Variants in ACE observed in about 807,000 individuals in gnomAD.
ACE encodes angiotensin-converting enzyme.
In ACE, 122 loss-of-function variants were observed where a neutral mutation model predicts 162.3. The observed-to-expected ratio is 0.75, with a 90% CI of 0.65 to 0.87. The LOEUF (loss-of-function observed/expected upper bound fraction) is 0.87, where lower values mean the gene tolerates loss of function less well. Among genes scored for constraint, ACE ranks in the 40% least tolerant of loss-of-function variants. The pLI is 0.00. For synonymous variants in ACE, 796 were observed against 720.6 expected, an observed-to-expected ratio of 1.10 and a Z score of -1.68; for missense variants, 1,799 against 1,735.1, an observed-to-expected ratio of 1.04 and a Z score of -0.65.
At chr17:63,483,628 C>A in intron 10 of ACE, 70 bp downstream of exon 10, 1 of 1,355,300 alleles carries the variant, frequency 7.4e-7, no homozygotes, top group South Asian at 1.2e-5. Context: ...TCCTGTGATC[C>A]TAGCTGCCTC....
intron 15 of ACE, among the ~76,000 whole-genome samples, chr17:63,487,331 C>G (rs74724462): frequency 6.6e-6 from 1 of 152,262 alleles, no homozygotes; most frequent in Middle Eastern, 3.4e-3. Context: ...CTCCTGTCCT[C>G]TCTGCATGCC....
rs1386854369 is a variant in ACE at position 63,497,614 on chromosome 17, C to G, written c.*248C>G. ...TGTGAATACAATTAAAGGTCCTGCC[C>G]TCCCCATCTGAGTCTGTGTCCCTCA... is the stretch of plus-strand genomic sequence containing the variant. On this transcript the variant is annotated 3_prime_UTR_variant, in exon 25 of 25. Transcript: ENST00000290866. The G allele has an allele frequency of 1.4e-6, 1 of 689,774 alleles. No homozygotes were observed. The highest frequency in any genetic ancestry group is 1.8e-5 in the African/African-American group (1 of 57,062). 42.7% of individuals were successfully genotyped at this position (689,774 alleles called of 1,614,324 possible). A position where few individuals can be genotyped will look rare whatever the true frequency, so the allele number is the denominator to read the frequency against.
At chr17:63,478,385 G>C in intron 2 of ACE, 1 of 454,832 alleles carries the variant, frequency 2.2e-6, no homozygotes, top group Non-Finnish European at 4.0e-6. Flanking sequence ...GTTGAGAAGG[G>C]CTGGGCGTGG....
At chr17:63,483,325 T>C (rs2049744877) in intron 9 of ACE, 135 bp from the exon 10 acceptor site, 3 of 1,488,032 alleles carry the variant, frequency 2.0e-6, no homozygotes, top group Non-Finnish European at 1.9e-6. Flanking sequence ...TGCCTGAAAC[T>C]CCCTCTTCCA....
chr17:63,477,572 C>T lies in ACE; in HGVS notation c.249+229C>T, dbSNP rs1238270913. 9.2e-6 allele frequency: 3 copies of T among 324,682 alleles called. No homozygotes were observed. The South Asian group carries it at 1.7e-4, about 18-fold the overall frequency. The allele number at this position is 324,682 out of a possible 1,614,324, so 20.1% of individuals were successfully genotyped here. ...TGAGGGTGGCTGCTCCCAGGCCGCG[C>T]CCGCCTTCGCCGAAGGTGCTGGGCT... On this transcript the variant is annotated intron_variant, in intron 1 of 24. Coordinates refer to ENST00000290866, the MANE Select transcript of ACE (RefSeq NM_000789.4).
intron 15 of ACE, among the ~76,000 whole-genome samples, chr17:63,487,685 C>A (rs925180751): frequency 6.6e-6 from 1 of 152,100 alleles, no homozygotes; most frequent in Non-Finnish European, 1.5e-5. Context: ...AAGAGCTCAC[C>A]CCCGACACAA....
rs1165773630 is a variant in ACE at position 63,486,985 on chromosome 17, G to A, written c.2218-1G>A. 1.2e-6 allele frequency: 2 copies of A among 1,613,374 alleles called. No individual in the cohort carries two copies. Among genetic ancestry groups the A allele is most frequent in the South Asian group, 1.1e-5 (1 of 91,068 alleles). ...CTCATTGCCTCTCCTTCCTCCTGCA[G>A]TACAACAAGATCCTGTTGGATATGG... On this transcript the variant is annotated splice_acceptor_variant, in intron 14 of 24. Coordinates refer to ENST00000290866, the MANE Select transcript of ACE (RefSeq NM_000789.4). LOFTEE classifies it high-confidence loss of function.
At chr17:63,483,697 C>G (rs1268903958) in intron 10 of ACE, 139 bp downstream of exon 10, 62 of 1,452,196 alleles carry the variant, frequency 4.3e-5, no homozygotes, top group Non-Finnish European at 5.6e-5. Context: ...TTAGAGTGGC[C>G]CACTCTCCTG....
chr17:63,477,317 A>C lies in ACE; in HGVS notation c.223A>C (p.Ile75Leu). 3 of 1,369,206 alleles carry C rather than the reference A, an allele frequency of 2.2e-6. No homozygotes were observed. Among genetic ancestry groups the C allele is most frequent in the South Asian group, 1.6e-5 (1 of 63,658 alleles). The allele number at this position is 1,369,206 out of a possible 1,614,324, so 84.8% of individuals were successfully genotyped here. A position where few individuals can be genotyped will look rare whatever the true frequency, so the allele number is the denominator to read the frequency against. Residue 75 changes from isoleucine (I) to leucine (L), a missense_variant, in exon 1 of 25, where the codon ATC becomes CTC. By Grantham distance (5) the Ile-to-Leu change is conservative. Transcript: ENST00000290866. ...VAASWAHDTN[I>L]TAENARRQEE... ...CGCCAGCTGGGCGCACGACACCAAC[A>C]TCACCGCGGAGAATGCAAGGCGCCA...
At chr17:63,487,139 T>G in intron 15 of ACE, 66 bp downstream of exon 15, 1 of 1,403,898 alleles carries the variant, frequency 7.1e-7, no homozygotes, top group Non-Finnish European at 1.0e-6. Context: ...CCGGGGGTGC[T>G]GGGTGAGAGC....
At chr17:63,493,410 C>T (rs777267742) in intron 19 of ACE, 26 bp from the exon 20 acceptor site, 1 of 1,609,974 alleles carries the variant, frequency 6.2e-7, no homozygotes, top group African/African-American at 1.3e-5. Flanking sequence ...CTCCCAACAC[C>T]CTCTCCCCCA....
chr17:63,486,679 AGAACG>A lies in ACE; in HGVS notation c.2183_2187del (p.Glu728GlyfsTer52). 1 of 1,614,246 alleles carries A rather than the reference AGAACG, an allele frequency of 6.2e-7. No homozygotes were observed. The highest frequency in any genetic ancestry group is 8.5e-7 in the Non-Finnish European group (1 of 1,180,040). On this transcript the variant is annotated frameshift_variant, in exon 14 of 25. Coordinates refer to ENST00000290866, the MANE Select transcript of ACE (RefSeq NM_000789.4). LOFTEE classifies it high-confidence loss of function. The stretch of plus-strand genomic sequence containing the variant: ...GGATCATAAAGAAGGTTCAGGACCT[AGAACG>A]GGCAGCACTGCCTGCCCAGGAGCTG...
At chr17:63,483,812 C>G in intron 10 of ACE, 37 bp from the exon 11 acceptor site, 1 of 1,613,558 alleles carries the variant, frequency 6.2e-7, no homozygotes. Flanking sequence ...TTCCTGGCCC[C>G]CCATGATCTT....
chr17:63,488,782 C>T lies in ACE; in HGVS notation c.2440C>T (p.Arg814Trp), dbSNP rs142799747. The change falls in exon 16 of 25, where the codon CGG (arginine) becomes TGG (tryptophan). Residue 814 changes from arginine (R) to tryptophan (W), a missense_variant. Physicochemically the swap from Arg to Trp is moderately radical, Grantham distance 101 (BLOSUM62 -3). Transcript: ENST00000290866. ...CGTGGAACTCATCAACCAGGCTGCCCGGCTCAATGGTGAGTCCCTGCTGCC... is the reference window on the plus strand; with the variant it reads ...CGTGGAACTCATCAACCAGGCTGCCTGGCTCAATGGTGAGTCCCTGCTGCC... Reference protein sequence around the residue: ...KYVELINQAARLNGYVDAGDS... With the variant: ...KYVELINQAAWLNGYVDAGDS... 21 of 1,613,840 alleles carry T rather than the reference C, an allele frequency of 1.3e-5. No individual in the cohort carries two copies. The highest frequency in any genetic ancestry group is 6.7e-5 in the African/African-American group (5 of 74,856).
intron 1 of ACE, chr17:63,477,679 G>C: frequency 1.8e-6 from 1 of 553,154 alleles, no homozygotes; most frequent in Non-Finnish European, 3.2e-6. Context: ...GCACTGCACT[G>C]TCCATCCACC....
chr17:63,477,145 G>A lies in ACE; in HGVS notation c.51G>A (p.Pro17=), dbSNP rs1297066077. The change falls in exon 1 of 25, where the codon CCG becomes CCA. Residue 17 remains proline (P), a synonymous_variant. Transcript: ENST00000290866. ...RRGPGLLLPL[P]LLLLLPPQPA... ...GGCCGGGGCTGCTGCTGCCGCTGCC[G>A]CTGCTGTTGCTGCTGCCGCCGCAGC... 4 of 1,438,636 alleles carry A rather than the reference G, an allele frequency of 2.8e-6. No individual in the cohort carries two copies. Among genetic ancestry groups the A allele is most frequent in the Non-Finnish European group, 2.7e-6 (3 of 1,096,338 alleles). The allele number at this position is 1,438,636 out of a possible 1,614,324, so 89.1% of individuals were successfully genotyped here.
Position 63,483,026 on chromosome 17 carries a change from C to A in ACE, c.1343-3C>A. On this transcript the variant is annotated splice_polypyrimidine_tract_variant and splice_region_variant and intron_variant, in intron 8 of 24. Transcript: ENST00000290866. ...CCTCTCCTTTCATCTCATCTCCCAA[C>A]AGAAAGTGACATCAATTACTTGCTA... 6.2e-7 allele frequency: 1 copy of A among 1,614,114 alleles called. No homozygotes were observed. The highest frequency in any genetic ancestry group is 8.5e-7 in the Non-Finnish European group (1 of 1,179,970).
At chr17:63,496,645 G>A (rs1046756515) in intron 23 of ACE, 129 bp downstream of exon 23, 164 of 1,587,296 alleles carry the variant, frequency 1.0e-4, no homozygotes, top group Non-Finnish European at 1.4e-4. Context: ...CCTGCAGCGT[G>A]GGCCAGGCCT....
rs763227257 is a variant in ACE at position 63,497,737 on chromosome 17, G to A, written c.*371G>A. On this transcript the variant is annotated 3_prime_UTR_variant, in exon 25 of 25. Coordinates refer to ENST00000290866, the MANE Select transcript of ACE (RefSeq NM_000789.4). ...GTTCCTCCATCCTCCTTCAGGAGCC[G>A]GGGAGGATCCCCAGAGCTCTGCCCC... 1.2e-4 allele frequency: 50 copies of A among 432,868 alleles called. No individual in the cohort carries two copies. Among genetic ancestry groups the A allele is most frequent in the Admixed American group, 9.6e-4 (28 of 29,074 alleles). The allele number at this position is 432,868 out of a possible 1,614,324, so 26.8% of individuals were successfully genotyped here.
Sources: gnomAD v4.1 joint callset for allele counts (sites outside exome capture counted in the v4.1 genomes callset) on GRCh38, gnomAD v4.1.1 for gene constraint, MANE v1.5 for transcripts, NCBI Gene and HGNC (gene_info 2026-07-23, HGNC 2026-07-21) for gene names.